Variants in CRMP1 observed in about 807,000 individuals in gnomAD.
The protein encoded by CRMP1 is collapsin response mediator protein 1, also known as dihydropyrimidinase-related protein 1.
In CRMP1, 19 loss-of-function variants were observed where a neutral mutation model predicts 68.3. The observed-to-expected ratio is 0.28, with a 90% CI of 0.19 to 0.41. The LOEUF (loss-of-function observed/expected upper bound fraction) is 0.41. Ranked by LOEUF, CRMP1 falls within the 10% of genes least tolerant of loss-of-function variation. The probability of loss-of-function intolerance (pLI) is 1.00; values close to 1 mark genes in which losing one functional copy is unlikely to be tolerated. For missense variants in CRMP1, 791 were observed against 967.4 expected (o/e 0.82, Z 2.42); for synonymous variants, 439 against 399.6 (o/e 1.10, Z -1.18).
intron 1 of CRMP1, among the ~76,000 whole-genome samples, chr4:5,878,522 C>T (rs1406551654): frequency 6.6e-6 from 1 of 152,196 alleles, no homozygotes. Context: ...ATCTAATAAA[C>T]ATTGCCAATG....
intron 12 of CRMP1, among the ~76,000 whole-genome samples, chr4:5,827,383 G>A (rs892085847): frequency 1.3e-5 from 2 of 152,130 alleles, no homozygotes; most frequent in African/African-American, 4.8e-5. Context: ...CCCATCCAGT[G>A]CAAAGCATCT....
At chr4:5,871,135 C>T (rs114084664) in intron 1 of CRMP1, among the ~76,000 whole-genome samples, 12,466 of 152,070 alleles carry the variant, frequency 0.082, 532 homozygotes, top group South Asian at 0.12. Flanking sequence ...CAAGCAGGGG[C>T]GCCCAGGCTC....
intron 3 of CRMP1, among the ~76,000 whole-genome samples, chr4:5,857,872 G>C (rs1264732417): frequency 6.6e-6 from 1 of 151,954 alleles, no homozygotes; most frequent in African/African-American, 2.4e-5. Flanking sequence ...TAAAGTAGAT[G>C]AGAAAGGGGA....
At chr4:5,840,693 C>T (rs1433411195) in intron 8 of CRMP1, among the ~76,000 whole-genome samples, 3 of 152,180 alleles carry the variant, frequency 2.0e-5, no homozygotes, top group Non-Finnish European at 4.4e-5. Context: ...TACCTTATGG[C>T]TTCCTGTAGC....
Position 5,886,363 on chromosome 4 carries a change from A to G in CRMP1, c.381+6226T>C, listed in dbSNP as rs538316365. 6.6e-5 allele frequency among the ~76,000 whole-genome samples: 10 copies of G among 152,304 alleles called. No individual in the cohort carries two copies. The South Asian group carries it at 2.1e-3, about 32-fold the overall frequency. ...CCTTACCATGCACCTAGCACACTAA[A>G]TGCTTTGGAGGGTCACCTAGGATGT... On this transcript the variant is annotated intron_variant, in intron 1 of 13. Transcript: ENST00000324989.
chr4:5,828,993 GTTCTT>G (rs1720124111), intron 11 of CRMP1, among the ~76,000 whole-genome samples: 4 of 152,084 alleles, frequency 2.6e-5, no homozygotes, highest in Admixed American at 2.6e-4. Flanking sequence ...TAAGTAAAAT[GTTCTT>G]CATTTTACTT....
Position 5,859,916 on chromosome 4 carries a change from C to T in CRMP1, c.655+1110G>A, listed in dbSNP as rs990601784. Among the ~76,000 whole-genome samples the T allele has an allele frequency of 6.6e-6, 1 of 152,078 alleles. No individual in the cohort carries two copies. On this transcript the variant is annotated intron_variant, in intron 3 of 13. Coordinates refer to ENST00000324989, the MANE Select transcript of CRMP1 (RefSeq NM_001014809.3). The surrounding 1 kb of genome is among the most constrained non-coding windows in gnomAD (Gnocchi z 5.2). ...AGACAGGCCTCCTGAAACCGAAGAGCCTAACAGTTGAAAGAACATTTACAA... is the reference window on the plus strand; with the variant it reads ...AGACAGGCCTCCTGAAACCGAAGAGTCTAACAGTTGAAAGAACATTTACAA...
chr4:5,836,786 C>T lies in CRMP1; in HGVS notation c.1431G>A (p.Thr477=), dbSNP rs12331. Reference sequence around the variant, plus strand: ...TTACCACCGCCTTGTCCCAGACGACCGTCATCCGCTCCTCTATCCCGTTGA... The same window carrying T: ...TTACCACCGCCTTGTCCCAGACGACTGTCATCCGCTCCTCTATCCCGTTGA... ...EGVNGIEERM[T]VVWDKAVATG... is the part of the protein sequence containing the mutation. The change falls in exon 10 of 14, where the codon ACG becomes ACA. Residue 477 remains threonine (T), a synonymous_variant. Transcript: ENST00000324989. 3.1e-6 allele frequency: 5 copies of T among 1,613,970 alleles called. No homozygotes were observed. Among genetic ancestry groups the T allele is most frequent in the South Asian group, 1.1e-5 (1 of 91,060 alleles).
At chr4:5,824,294 G>A (rs1719177643) in intron 13 of CRMP1, 2 of 985,310 alleles carry the variant, frequency 2.0e-6, no homozygotes, top group Middle Eastern at 5.2e-4. Context: ...ATGACTTTTA[G>A]CATTCTATTT....
In CRMP1 at chr4:5,870,763, G is replaced by C. The variant is rs776954629; in HGVS notation, c.382-4007C>G. On this transcript the variant is annotated intron_variant, in intron 1 of 13. Coordinates refer to ENST00000324989, the MANE Select transcript of CRMP1 (RefSeq NM_001014809.3). The surrounding 1 kb of genome is among the most constrained non-coding windows in gnomAD (Gnocchi z 6.0). ...CTATCTGTACCGCTAAAAAAGATGTGTGCATCCCCAGAGAGGAAACTCACC... is the reference window on the plus strand; with the variant it reads ...CTATCTGTACCGCTAAAAAAGATGTCTGCATCCCCAGAGAGGAAACTCACC... 1.3e-5 allele frequency among the ~76,000 whole-genome samples: 2 copies of C among 152,206 alleles called. No individual in the cohort carries two copies. Among genetic ancestry groups the C allele is most frequent in the Non-Finnish European group, 2.9e-5 (2 of 68,028 alleles).
chr4:5,829,724 T>C (rs1346847662), intron 11 of CRMP1, among the ~76,000 whole-genome samples: 1 of 152,208 alleles, frequency 6.6e-6, no homozygotes, highest in East Asian at 1.9e-4. Context: ...TCAGCACACA[T>C]ACAAAATACT....
intron 9 of CRMP1, among the ~76,000 whole-genome samples, chr4:5,837,789 A>G (rs1438710102): frequency 6.6e-6 from 1 of 152,134 alleles, no homozygotes; most frequent in Admixed American, 6.5e-5. Flanking sequence ...AATGTTAGCA[A>G]TTGCCTAGAT....
intron 3 of CRMP1, 61 bp from the exon 4 acceptor site, chr4:5,856,368 T>C: frequency 6.8e-7 from 1 of 1,471,318 alleles, no homozygotes; most frequent in Non-Finnish European, 9.4e-7. Context: ...GGTAGCCACA[T>C]CATTACCACT....
Position 5,834,905 on chromosome 4 carries a change from C to T in CRMP1, c.1623+1010G>A, listed in dbSNP as rs773971838. On this transcript the variant is annotated intron_variant, in intron 11 of 13. Transcript: ENST00000324989. This position sits in a 1 kb window ranked among gnomAD's most constrained non-coding sequence, Gnocchi z 4.3. ...CCGGACAAGGTCAGTGAGCAGCTACCGAGACCTCTGCTTCTGCAGGCCATG... is the reference window on the plus strand; with the variant it reads ...CCGGACAAGGTCAGTGAGCAGCTACTGAGACCTCTGCTTCTGCAGGCCATG... Among the ~76,000 whole-genome samples the T allele has an allele frequency of 3.3e-5, 5 of 152,160 alleles. No homozygotes were observed. The highest frequency in any genetic ancestry group is 7.2e-5 in the African/African-American group (3 of 41,444).
chr4:5,844,790 A>G (rs1712060467), intron 6 of CRMP1, among the ~76,000 whole-genome samples: 1 of 151,642 alleles, frequency 6.6e-6, no homozygotes, highest in South Asian at 2.1e-4. Flanking sequence ...ACTGTGTAGC[A>G]GTAACCACTA....
In CRMP1 at chr4:5,891,347, C is replaced by T. The variant is rs1715943109; in HGVS notation, c.381+1242G>A. 6.6e-6 allele frequency among the ~76,000 whole-genome samples: 1 copy of T among 152,174 alleles called. No individual in the cohort carries two copies. The highest frequency in any genetic ancestry group is 2.4e-5 in the African/African-American group (1 of 41,434). ...TGTTTACCAGTTCCCTGCTCCTATT[C>T]CTCCAGGAAGCCCTCCCAGATATCT... is the stretch of plus-strand genomic sequence containing the variant. On this transcript the variant is annotated intron_variant, in intron 1 of 13. Coordinates refer to ENST00000324989, the MANE Select transcript of CRMP1 (RefSeq NM_001014809.3). The surrounding 1 kb of genome is among the most constrained non-coding windows in gnomAD (Gnocchi z 5.2).
At chr4:5,829,261 T>C (rs1268270330) in intron 11 of CRMP1, among the ~76,000 whole-genome samples, 4 of 152,134 alleles carry the variant, frequency 2.6e-5, no homozygotes, top group Admixed American at 6.6e-5. Flanking sequence ...CGGTGGCTCA[T>C]GCCTGTACCC....
chr4:5,888,590 A>C lies in CRMP1; in HGVS notation c.381+3999T>G. The C allele has an allele frequency of 9.5e-7, 1 of 1,056,034 alleles. No homozygotes were observed. The highest frequency in any genetic ancestry group is 1.1e-6 in the Non-Finnish European group (1 of 876,322). The allele number at this position is 1,056,034 out of a possible 1,614,324, so 65.4% of individuals were successfully genotyped here. A position where few individuals can be genotyped will look rare whatever the true frequency, so the allele number is the denominator to read the frequency against. On this transcript the variant is annotated intron_variant, in intron 1 of 13. Transcript: ENST00000324989. The surrounding 1 kb of genome is among the most constrained non-coding windows in gnomAD (Gnocchi z 6.4). ...AGCCGGATTCGCCCCTCTCGGCTCG[A>C]ACCAGGAAGCGCTTCCCTTCCGATC... is the stretch of plus-strand genomic sequence containing the variant.
In CRMP1 at chr4:5,879,917, G is replaced by A. The variant is rs372755734; in HGVS notation, c.381+12672C>T. Among the ~76,000 whole-genome samples the A allele has an allele frequency of 5.3e-5, 8 of 152,130 alleles. No homozygotes were observed. Among genetic ancestry groups the A allele is most frequent in the African/African-American group, 1.7e-4 (7 of 41,420 alleles). On this transcript the variant is annotated intron_variant, in intron 1 of 13. Coordinates refer to ENST00000324989, the MANE Select transcript of CRMP1 (RefSeq NM_001014809.3). The surrounding 1 kb of genome is among the most constrained non-coding windows in gnomAD (Gnocchi z 4.2). ...AGAAAGTAAAGGAAAACCTAACACC[G>A]TATGCGGAAATCATGATAGAGGAGG... is the stretch of plus-strand genomic sequence containing the variant.
Sources: allele counts gnomAD v4.1 joint callset (sites outside exome capture counted in the v4.1 genomes callset), GRCh38; gene constraint gnomAD v4.1.1; non-coding constraint Gnocchi (gnomAD v3.1); transcripts MANE v1.5; gene names NCBI Gene and HGNC (gene_info 2026-07-23, HGNC 2026-07-21).